Variants in BCKDHB observed in about 807,000 individuals in gnomAD.
BCKDHB encodes branched chain keto acid dehydrogenase E1 subunit beta, also known as 2-oxoisovalerate dehydrogenase subunit beta, mitochondrial.
BCKDHB carries 41 observed loss-of-function variants against 48.5 expected under a neutral mutation model. That is an observed-to-expected ratio of 0.85 (90% CI 0.66 to 1.10). The LOEUF (loss-of-function observed/expected upper bound fraction) is 1.10. BCKDHB is among the 50% of genes least tolerant of loss of function. The pLI, the probability that BCKDHB is intolerant of heterozygous loss-of-function variation, is 0.00. For missense variants in BCKDHB, 496 were observed against 494.2 expected (o/e 1.00, Z -0.03); for synonymous variants, 201 against 174.8 (o/e 1.15, Z -1.18).
At chr6:80,419,518 T>C in the BCKDHB span, among the ~76,000 whole-genome samples, 1 of 152,180 alleles carries the variant, frequency 6.6e-6, no homozygotes, top group Admixed American at 6.5e-5. Context: ...TGGGAGCAAG[T>C]TGAGCTTAGG....
At chr6:80,178,628 T>G (rs963246828) in intron 6 of BCKDHB, among the ~76,000 whole-genome samples, 1 of 152,210 alleles carries the variant, frequency 6.6e-6, no homozygotes, top group African/African-American at 2.4e-5. Context: ...GGCTATCTTG[T>G]GTAGACATGG....
intron 6 of BCKDHB, among the ~76,000 whole-genome samples, chr6:80,191,730 C>A: frequency 6.6e-6 from 1 of 152,128 alleles, no homozygotes; most frequent in Non-Finnish European, 1.5e-5. Flanking sequence ...TCTCTTTTGA[C>A]AAGTTGAAGA....
intron 8 of BCKDHB, among the ~76,000 whole-genome samples, chr6:80,205,657 A>C (rs568053528): frequency 3.0e-4 from 46 of 152,230 alleles, no homozygotes; most frequent in African/African-American, 1.1e-3. Flanking sequence ...AAATGGTCCT[A>C]GAAACCACAG....
chr6:80,284,397 A>G (rs1257739392), intron 9 of BCKDHB, among the ~76,000 whole-genome samples: 2 of 152,128 alleles, frequency 1.3e-5, no homozygotes, highest in African/African-American at 4.8e-5. Flanking sequence ...AAATCTATCA[A>G]TATTAATGTG....
chr6:80,387,932 G>A, the BCKDHB span, among the ~76,000 whole-genome samples: 5 of 152,328 alleles, frequency 3.3e-5, no homozygotes, highest in South Asian at 6.2e-4. Context: ...CAGAGGATGG[G>A]AAATAAATCC....
chr6:80,205,791 GGT>G (rs3840387), intron 8 of BCKDHB, among the ~76,000 whole-genome samples: 11,532 of 134,864 alleles, frequency 0.086, 433 homozygotes, highest in Middle Eastern at 0.12. Context: ...CTGTGCCATG[GGT>G]GTGTGTGTGT....
In BCKDHB at chr6:80,345,710, C is replaced by T. The variant is rs1770167651; in HGVS notation, c.*1906C>T. ...TAGAGGACTCCTTCACTTTTGTTGTCCATGTGGTTCCCTTCCGTGGACCAG... is the reference window on the plus strand; with the variant it reads ...TAGAGGACTCCTTCACTTTTGTTGTTCATGTGGTTCCCTTCCGTGGACCAG... On this transcript the variant is annotated 3_prime_UTR_variant, in exon 10 of 10. Coordinates refer to ENST00000320393, the MANE Select transcript of BCKDHB (RefSeq NM_183050.4). The T allele has an allele frequency of 6.6e-6, 1 of 152,188 alleles. No homozygotes were observed. 9.4% of individuals were successfully genotyped at this position (152,188 alleles called of 1,614,324 possible).
the BCKDHB span, among the ~76,000 whole-genome samples, chr6:80,395,886 G>A: frequency 1.3e-5 from 2 of 152,184 alleles, no homozygotes; most frequent in Non-Finnish European, 2.9e-5. Flanking sequence ...TGGATAAAAG[G>A]GGCCAGCATA....
At chr6:80,119,469 C>T (rs1490501397) in intron 1 of BCKDHB, among the ~76,000 whole-genome samples, 2 of 151,988 alleles carry the variant, frequency 1.3e-5, no homozygotes, top group African/African-American at 2.4e-5. Flanking sequence ...CAGGTGTGCA[C>T]CACCATACTG....
chr6:80,177,649 G>A (rs554188606), intron 6 of BCKDHB, among the ~76,000 whole-genome samples: 8 of 152,242 alleles, frequency 5.3e-5, no homozygotes, highest in Non-Finnish European at 1.2e-4. Context: ...CAGTGCAGTA[G>A]GAAATATTTC....
chr6:80,280,293 T>C (rs1354998999), intron 9 of BCKDHB, among the ~76,000 whole-genome samples: 1 of 152,194 alleles, frequency 6.6e-6, no homozygotes, highest in East Asian at 1.9e-4. Flanking sequence ...AAAATATTAC[T>C]ATAATTATTT....
chr6:80,239,363 A>AT (rs70981411), intron 8 of BCKDHB, among the ~76,000 whole-genome samples: 56,477 of 151,914 alleles, frequency 0.37, 12,205 homozygotes, highest in East Asian at 0.55. Context: ...GATGATGAGC[A>AT]TTTTTTTCAT....
rs553058134 is a variant in BCKDHB, at chr6:80,106,783, G to A, written c.90G>A (p.Gly30=). The A allele has an allele frequency of 3.8e-6, 6 of 1,595,646 alleles. No individual in the cohort carries two copies. The African/African-American group carries it at 6.7e-5, about 18-fold the overall frequency. ...ACTGGCGTCGGCTTCCTGGCGCGGG[G>A]CTGGCGCGGGGCTTTTTGCACCCCG... ...EGHWRRLPGA[G]LARGFLHPAA... The change falls in exon 1 of 10, where the codon GGG becomes GGA. Residue 30 remains glycine, a synonymous_variant. Coordinates refer to ENST00000320393, the MANE Select transcript of BCKDHB (RefSeq NM_183050.4).
At chr6:80,128,091 A>G (rs1770436290) in intron 2 of BCKDHB, among the ~76,000 whole-genome samples, 1 of 151,876 alleles carries the variant, frequency 6.6e-6, no homozygotes, top group Non-Finnish European at 1.5e-5. Context: ...CATTGATACA[A>G]AACCAATTGT....
chr6:80,271,485 C>T (rs569333986), intron 8 of BCKDHB, among the ~76,000 whole-genome samples: 112 of 152,252 alleles, frequency 7.4e-4, no homozygotes, highest in Non-Finnish European at 1.3e-3. Flanking sequence ...ACATAGGCCA[C>T]CTGCCCTGGT....
At chr6:80,402,540 C>T in the BCKDHB span, among the ~76,000 whole-genome samples, 1 of 151,764 alleles carries the variant, frequency 6.6e-6, no homozygotes, top group Non-Finnish European at 1.5e-5. Context: ...TTTGTGAACA[C>T]TTTATCCCAT....
chr6:80,132,408 T>C (rs910363080), intron 3 of BCKDHB, among the ~76,000 whole-genome samples: 28 of 152,324 alleles, frequency 1.8e-4, no homozygotes, highest in African/African-American at 6.7e-4. Context: ...ATTTATGAAG[T>C]GCGTGCTGTT....
At chr6:80,370,804 G>T in the BCKDHB span, among the ~76,000 whole-genome samples, 2 of 112,872 alleles carry the variant, frequency 1.8e-5, no homozygotes, top group Admixed American at 2.1e-4. Context: ...GCGTGTGTGT[G>T]TGTGTATATA....
At chr6:80,456,483 C>A in the BCKDHB span, among the ~76,000 whole-genome samples, 1 of 152,108 alleles carries the variant, frequency 6.6e-6, no homozygotes, top group Non-Finnish European at 1.5e-5. Context: ...CCACTTAATC[C>A]CCGGTAAAAG....
Sources: gnomAD v4.1 joint callset for allele counts (sites outside exome capture counted in the v4.1 genomes callset) on GRCh38, gnomAD v4.1.1 for gene constraint, MANE v1.5 for transcripts, NCBI Gene and HGNC (gene_info 2026-07-23, HGNC 2026-07-21) for gene names.